ZNF423: variants seen among roughly 807,000 people sequenced by gnomAD.
ZNF423 encodes the protein Ebf-associated zinc finger protein.
Under a neutral mutation model 95.8 loss-of-function variants are expected in ZNF423, and 12 were observed. That is an observed-to-expected ratio of 0.13 (90% confidence interval 0.08 to 0.20). The LOEUF (loss-of-function observed/expected upper bound fraction) is 0.20, where lower values mean the gene tolerates loss of function less well. Among genes scored for constraint, ZNF423 ranks in the 10% least tolerant of loss-of-function variants. ZNF423 has a pLI of 1.00. For synonymous variants in ZNF423, 749 were observed against 711.9 expected (o/e 1.05, Z -0.83); for missense variants, 1,316 against 1,737.1 (o/e 0.76, Z 4.31).
chr16:49,559,289 G>A (rs1332231777), intron 5 of ZNF423, among the ~76,000 whole-genome samples: 2 of 152,252 alleles, frequency 1.3e-5, no homozygotes, highest in Non-Finnish European at 2.9e-5. Context: ...ACCAAAGGGG[G>A]TCAGGGAACA....
chr16:49,510,155 G>T (rs60226340), intron 7 of ZNF423, among the ~76,000 whole-genome samples: 22,810 of 152,210 alleles, frequency 0.15, 1,758 homozygotes, highest in East Asian at 0.2. Flanking sequence ...CACCTCAGAT[G>T]TTGCCTCCTC....
intron 5 of ZNF423, among the ~76,000 whole-genome samples, chr16:49,533,583 G>C (rs868059113): frequency 3.9e-5 from 6 of 152,174 alleles, no homozygotes; most frequent in Admixed American, 1.3e-4. Flanking sequence ...AATGATTTCT[G>C]GTAAACTCCC....
At chr16:49,736,676 T>A (rs1005508921) in intron 2 of ZNF423, among the ~76,000 whole-genome samples, 4 of 152,128 alleles carry the variant, frequency 2.6e-5, no homozygotes, top group Non-Finnish European at 5.9e-5. Context: ...ACGCCTGTGG[T>A]CCTAGCTACT....
intron 3 of ZNF423, among the ~76,000 whole-genome samples, chr16:49,708,646 C>T (rs2032439260): frequency 6.6e-6 from 1 of 152,202 alleles, no homozygotes; most frequent in Non-Finnish European, 1.5e-5. Flanking sequence ...CCCCGACATC[C>T]TCCACTGCCC....
intron 2 of ZNF423, among the ~76,000 whole-genome samples, chr16:49,743,167 G>A (rs555806720): frequency 3.9e-5 from 6 of 152,204 alleles, no homozygotes; most frequent in South Asian, 2.1e-4. Context: ...CCAGGGTCCC[G>A]CAGCAGCACT....
At chr16:49,515,069 AG>A (rs1435225526) in intron 7 of ZNF423, among the ~76,000 whole-genome samples, 1 of 152,264 alleles carries the variant, frequency 6.6e-6, no homozygotes, top group Non-Finnish European at 1.5e-5. Flanking sequence ...CTGAGGTCTT[AG>A]GAAGTCCCTA....
chr16:49,690,497 G>A (rs1332410430), intron 3 of ZNF423, among the ~76,000 whole-genome samples: 1 of 152,198 alleles, frequency 6.6e-6, no homozygotes, highest in Non-Finnish European at 1.5e-5. Context: ...ACTTCAGCCT[G>A]GACAACAGAC....
chr16:49,514,181 A>C (rs1968023922), intron 7 of ZNF423, among the ~76,000 whole-genome samples: 1 of 139,724 alleles, frequency 7.2e-6, no homozygotes. Flanking sequence ...TTTCCTGACC[A>C]CCCAACACAC....
intron 1 of ZNF423, among the ~76,000 whole-genome samples, chr16:49,826,424 G>A (rs538401462): frequency 2.0e-5 from 3 of 152,314 alleles, no homozygotes; most frequent in African/African-American, 7.2e-5. Context: ...AGGGGAACAA[G>A]TCAGGCTGGA....
In ZNF423 at chr16:49,846,787, G is replaced by T. The variant is rs939443383; in HGVS notation, c.40+8948C>A. Among the ~76,000 whole-genome samples, 4 of 152,174 alleles carry T rather than the reference G, an allele frequency of 2.6e-5. No individual in the cohort carries two copies. The East Asian group carries it at 7.7e-4, about 29-fold the overall frequency. ...AAGTTCAAAACTGCAGCCACAGGGG[G>T]TGAGGGACAAAGCCATATCTCTTGT... On this transcript the variant is annotated intron_variant, in intron 1 of 7. Transcript: ENST00000563137.
chr16:49,620,188 C>CACACAT (rs944940133), intron 5 of ZNF423, among the ~76,000 whole-genome samples: 1 of 148,428 alleles, frequency 6.7e-6, no homozygotes, highest in Non-Finnish European at 1.5e-5. Flanking sequence ...CACACATACA[C>CACACAT]ACACATACAC....
intron 2 of ZNF423, among the ~76,000 whole-genome samples, chr16:49,748,640 C>T (rs2033572118): frequency 6.6e-6 from 1 of 152,228 alleles, no homozygotes; most frequent in African/African-American, 2.4e-5. Flanking sequence ...TCACTTACTA[C>T]AGGCAAGACA....
intron 5 of ZNF423, among the ~76,000 whole-genome samples, chr16:49,589,518 G>A (rs1361131137): frequency 1.3e-5 from 2 of 151,432 alleles, no homozygotes; most frequent in African/African-American, 4.9e-5. Flanking sequence ...TTATCTAGAC[G>A]CCAGAAGCTG....
chr16:49,721,729 G>A (rs879485038), intron 3 of ZNF423, among the ~76,000 whole-genome samples: 1 of 152,120 alleles, frequency 6.6e-6, no homozygotes, highest in Non-Finnish European at 1.5e-5. Context: ...AATCATGAAG[G>A]TGGTCAAGCA....
chr16:49,698,183 C>T (rs1216111799), intron 3 of ZNF423, among the ~76,000 whole-genome samples: 2 of 152,172 alleles, frequency 1.3e-5, no homozygotes, highest in Admixed American at 6.5e-5. Context: ...CTTTTTCTGA[C>T]TTGTTTGTTT....
At chr16:49,529,156 A>G (rs952892728) in intron 5 of ZNF423, among the ~76,000 whole-genome samples, 3 of 150,744 alleles carry the variant, frequency 2.0e-5, no homozygotes, top group African/African-American at 7.3e-5. Context: ...AGCACATGAC[A>G]GGCATCCATA....
chr16:49,589,600 G>C (rs1032080332), intron 5 of ZNF423, among the ~76,000 whole-genome samples: 1 of 152,172 alleles, frequency 6.6e-6, no homozygotes, highest in Non-Finnish European at 1.5e-5. Context: ...GGAGCAGCGA[G>C]AGGGAGAAGG....
intron 3 of ZNF423, among the ~76,000 whole-genome samples, chr16:49,690,396 C>T (rs34074118): frequency 0.074 from 11,191 of 152,234 alleles, 612 homozygotes; most frequent in South Asian, 0.28. Flanking sequence ...TAGTAGTGCA[C>T]ACCTGGAGTC....
chr16:49,720,684 T>G (rs1455820019), intron 3 of ZNF423, among the ~76,000 whole-genome samples: 1 of 152,246 alleles, frequency 6.6e-6, no homozygotes, highest in Non-Finnish European at 1.5e-5. Flanking sequence ...GTATTGGTTA[T>G]CAATTGATAA....
Sources: gnomAD v4.1 joint callset for allele counts (sites outside exome capture counted in the v4.1 genomes callset) on GRCh38, gnomAD v4.1.1 for gene constraint, MANE v1.5 for transcripts, NCBI Gene and HGNC (gene_info 2026-07-23, HGNC 2026-07-21) for gene names.